ACRV1: variants seen among roughly 807,000 people sequenced by gnomAD.
ACRV1 encodes the protein acrosomal protein SP-10.
A neutral mutation model predicts 29.2 loss-of-function variants in ACRV1; 17 were observed. That is an observed-to-expected ratio of 0.58 (90% CI 0.40 to 0.87). The LOEUF is 0.87. Among genes scored for constraint, ACRV1 ranks in the 40% least tolerant of loss-of-function variants. The pLI, the probability that ACRV1 is intolerant of heterozygous loss-of-function variation, is 0.00. For missense variants in ACRV1, 294 were observed against 316.0 expected (o/e 0.93, Z 0.53); for synonymous variants, 98 against 111.6 (o/e 0.88, Z 0.77).
chr11:125,679,779 G>A (rs990361847), intron 1 of ACRV1, among the ~76,000 whole-genome samples: 4 of 152,210 alleles, frequency 2.6e-5, no homozygotes, highest in Non-Finnish European at 5.9e-5. Flanking sequence ...TCTTGGCACA[G>A]TGCAGTACTT....
At chr11:125,674,133 T>G (rs1942361426) in intron 3 of ACRV1, among the ~76,000 whole-genome samples, 2 of 151,692 alleles carry the variant, frequency 1.3e-5, no homozygotes, top group South Asian at 4.2e-4. Flanking sequence ...ACAGCAAGAC[T>G]CCATCTCAAA....
chr11:125,672,723 A>G lies in ACRV1; in HGVS notation c.674-6T>C, dbSNP rs755855047. On this transcript the variant is annotated splice_region_variant and splice_polypyrimidine_tract_variant and intron_variant, in intron 3 of 3. Coordinates refer to ENST00000533904, the MANE Select transcript of ACRV1 (RefSeq NM_001612.6). ...CATGAATTGGAGTTTTCCACCTGAA[A>G]GGAGCAGAGACAGACTAGTGAGCAG... The G allele has an allele frequency of 6.2e-6, 10 of 1,614,058 alleles. No homozygotes were observed. In the South Asian group the frequency reaches 1.1e-4, roughly 18 times the overall value.
Position 125,678,166 on chromosome 11 carries a change from G to A in ACRV1, c.184C>T (p.Leu62=), listed in dbSNP as rs1248957549. 6.2e-7 allele frequency: 1 copy of A among 1,614,072 alleles called. No homozygotes were observed. Among genetic ancestry groups the A allele is most frequent in the African/African-American group, 1.3e-5 (1 of 74,928 alleles). ...GAACCATGCTCACTTAAAGTGTTCA[G>A]GCCTGAAGAAGTCTCATATAAAGCC... ...AEALYETSSG[L]NTLSEHGSSE... The change falls in exon 2 of 4, where the codon CTG becomes TTG. Residue 62 remains leucine, a synonymous_variant. Transcript: ENST00000533904.
At chr11:125,679,322 ATCC>A (rs1033348686) in intron 1 of ACRV1, among the ~76,000 whole-genome samples, 8 of 149,436 alleles carry the variant, frequency 5.4e-5, no homozygotes, top group African/African-American at 2.0e-4. Context: ...GGTTCAAGTG[ATCC>A]TCCTGCCTCT....
Position 125,677,900 on chromosome 11 carries a change from G to A in ACRV1, c.450C>T (p.Ser150=), listed in dbSNP as rs524491. The A allele has an allele frequency of 1.9e-5, 31 of 1,613,650 alleles. No homozygotes were observed. The East Asian group carries it at 5.1e-4, about 27-fold the overall frequency. Residue 150 remains serine (S), a synonymous_variant, in exon 2 of 4, where the codon TCC becomes TCT. Transcript: ENST00000533904. ...CCTGCTCACCAGAAGGCTGTTCACC[G>A]GAGCCATGTTCACCTGAAGGCTGTT... ...SDEQPSGEHG[S]GEQPSGEQAS...
At chr11:125,675,193 ACTC>A (rs1232575161) in intron 3 of ACRV1, among the ~76,000 whole-genome samples, 1 of 152,100 alleles carries the variant, frequency 6.6e-6, no homozygotes, top group Non-Finnish European at 1.5e-5. Context: ...AAGATTGAGA[ACTC>A]CTGGCCCAAA....
At chr11:125,679,745 A>C (rs1942710051) in intron 1 of ACRV1, among the ~76,000 whole-genome samples, 3 of 152,252 alleles carry the variant, frequency 2.0e-5, no homozygotes, top group Admixed American at 1.3e-4. Flanking sequence ...TCAAAACTCT[A>C]AGAATCTTGC....
intron 3 of ACRV1, among the ~76,000 whole-genome samples, chr11:125,674,274 TTA>T (rs1942373020): frequency 6.6e-6 from 1 of 152,236 alleles, no homozygotes; most frequent in Admixed American, 6.5e-5. Flanking sequence ...AAAAACCATG[TTA>T]TATGCTATGC....
In ACRV1 at chr11:125,678,978, T is replaced by A. The variant is rs866690716; in HGVS notation, c.53-681A>T. ...GTAAAAAAAAAAAAGTCTAGGCATA[T>A]TATATATATATATATATATAGACAC... On this transcript the variant is annotated intron_variant, in intron 1 of 3. Coordinates refer to ENST00000533904, the MANE Select transcript of ACRV1 (RefSeq NM_001612.6). 5.0e-4 allele frequency among the ~76,000 whole-genome samples: 44 copies of A among 88,402 alleles called. 3 individuals are homozygous for A. The highest frequency in any genetic ancestry group is 1.7e-3 in the African/African-American group (39 of 23,038). The allele number at this position is 88,402 out of a possible 152,430, so 58.0% of individuals were successfully genotyped here. A position where few individuals can be genotyped will look rare whatever the true frequency, so the allele number is the denominator to read the frequency against.
At chr11:125,674,708 T>G (rs973380747) in intron 3 of ACRV1, among the ~76,000 whole-genome samples, 2 of 152,248 alleles carry the variant, frequency 1.3e-5, no homozygotes, top group Non-Finnish European at 2.9e-5. Flanking sequence ...CTCTGCCTTT[T>G]CCTAGTAACA....
Position 125,673,207 on chromosome 11 carries a change from CTTTT to C in ACRV1, c.674-494_674-491del, listed in dbSNP as rs1298569318. The stretch of plus-strand genomic sequence containing the variant: ...TACTGTGGACTACACCCTTTCTTTT[CTTTT>C]CTTTTTTTTTTTTGAGACAATCTCG... On this transcript the variant is annotated intron_variant, in intron 3 of 3. Transcript: ENST00000533904. Among the ~76,000 whole-genome samples, 5 of 105,358 alleles carry C rather than the reference CTTTT, an allele frequency of 4.7e-5. No individual in the cohort carries two copies. In the East Asian group the frequency reaches 1.2e-3, roughly 25 times the overall value. The allele number at this position is 105,358 out of a possible 152,430, so 69.1% of individuals were successfully genotyped here.
intron 1 of ACRV1, 130 bp from the exon 2 acceptor site, chr11:125,678,427 G>T (rs1005055100): frequency 4.7e-6 from 5 of 1,074,288 alleles, no homozygotes; most frequent in Non-Finnish European, 6.6e-6. Flanking sequence ...GGCACCTGAA[G>T]ACTGCAGATG....
At position 125,678,136 on chromosome 11, in the gene ACRV1, C is replaced by T. The variant is rs1186880699; in HGVS notation, c.214G>A (p.Glu72Lys). Residue 72 changes from glutamate (E) to lysine (K), a missense_variant, in exon 2 of 4, where the codon GAG becomes AAG. Physicochemically the swap from Glu to Lys is moderately conservative, Grantham distance 56. Coordinates refer to ENST00000533904, the MANE Select transcript of ACRV1 (RefSeq NM_001612.6). Reference protein sequence around the residue: ...LNTLSEHGSSEHGSSKHTVAE... With the variant: ...LNTLSEHGSSKHGSSKHTVAE... ...ACAGTGTGCTTGCTTGAACCATGCT[C>T]ACTGGAACCATGCTCACTTAAAGTG... 6.2e-7 allele frequency: 1 copy of T among 1,614,064 alleles called. No individual in the cohort carries two copies. The highest frequency in any genetic ancestry group is 8.5e-7 in the Non-Finnish European group (1 of 1,180,042).
intron 1 of ACRV1, among the ~76,000 whole-genome samples, chr11:125,680,138 A>G (rs1485794699): frequency 1.3e-5 from 2 of 152,230 alleles, no homozygotes; most frequent in African/African-American, 4.8e-5. Context: ...TATAGAAAAT[A>G]CATTGTTTTT....
At position 125,672,584 on chromosome 11, in the gene ACRV1, C is replaced by T. The variant is rs1200010776; in HGVS notation, c.*9G>A. On this transcript the variant is annotated 3_prime_UTR_variant, in exon 4 of 4. Transcript: ENST00000533904. ...CTGCCTGAGTCAAAACAAGCAAGGG[C>T]CCAGGCTTCTAGATCTTATTGCAGA... 1.9e-6 allele frequency: 3 copies of T among 1,613,490 alleles called. No homozygotes were observed. In the African/African-American group the frequency reaches 4.0e-5, roughly 22 times the overall value.
chr11:125,676,659 C>G (rs187789758), intron 2 of ACRV1, among the ~76,000 whole-genome samples, 181 bp from the exon 3 acceptor site: 22 of 152,132 alleles, frequency 1.4e-4, no homozygotes, highest in African/African-American at 5.3e-4. Context: ...TTCCTTCATT[C>G]TTCTTCATCT....
At chr11:125,676,272 C>A in intron 3 of ACRV1, 87 bp downstream of exon 3, 1 of 1,489,576 alleles carries the variant, frequency 6.7e-7, no homozygotes. Context: ...TGATTCTTTC[C>A]TGGGCCCCTG....
chr11:125,674,174 T>C (rs1037088332), intron 3 of ACRV1, among the ~76,000 whole-genome samples: 9 of 152,110 alleles, frequency 5.9e-5, no homozygotes, highest in African/African-American at 2.2e-4. Context: ...TAAGGAACTA[T>C]GCTAGACTCT....
Position 125,677,703 on chromosome 11 carries a change from C to A in ACRV1, c.553+94G>T, listed in dbSNP as rs1942577540. ...GTTTGTGAAGTGTTAACAATTCTTT[C>A]TTCTGCACTCCTTCCCTAAAATTGG... is the stretch of plus-strand genomic sequence containing the variant. On this transcript the variant is annotated intron_variant, in intron 2 of 3. Transcript: ENST00000533904. The A allele has an allele frequency of 2.0e-6, 3 of 1,515,692 alleles. No homozygotes were observed. The South Asian group carries it at 3.8e-5, about 19-fold the overall frequency. 93.9% of individuals were successfully genotyped at this position (1,515,692 alleles called of 1,614,324 possible). A position where few individuals can be genotyped will look rare whatever the true frequency, so the allele number is the denominator to read the frequency against.
Sources: allele counts gnomAD v4.1 joint callset (sites outside exome capture counted in the v4.1 genomes callset), GRCh38; gene constraint gnomAD v4.1.1; transcripts MANE v1.5; gene names NCBI Gene and HGNC (gene_info 2026-07-23, HGNC 2026-07-21).